STX17: variants seen among roughly 807,000 people sequenced by gnomAD.
The protein encoded by STX17 is syntaxin 17.
In STX17, 29 loss-of-function variants were observed where a neutral mutation model predicts 35.9. The ratio of observed to expected loss-of-function variants is 0.81; its 90% CI spans 0.60 to 1.10. The LOEUF (loss-of-function observed/expected upper bound fraction) is 1.10, where lower values mean the gene tolerates loss of function less well. STX17 is among the 50% of genes least tolerant of loss of function. The pLI is 0.00. For missense variants in STX17, 312 were observed against 352.3 expected (o/e 0.89, Z 0.92); for synonymous variants, 92 against 118.3 (o/e 0.78, Z 1.44).
At chr9:99,917,155 G>A (rs1828793354) in intron 2 of STX17, among the ~76,000 whole-genome samples, 1 of 152,094 alleles carries the variant, frequency 6.6e-6, no homozygotes, top group Admixed American at 6.6e-5. Context: ...TAATTATAAT[G>A]TAGGTGATAT....
chr9:99,940,777 G>C (rs1023174177), intron 3 of STX17, among the ~76,000 whole-genome samples: 1 of 152,088 alleles, frequency 6.6e-6, no homozygotes, highest in Non-Finnish European at 1.5e-5. Flanking sequence ...CACCGCACCC[G>C]GCCTAGAATT....
chr9:99,952,890 AG>A (rs1000659598), intron 4 of STX17, among the ~76,000 whole-genome samples: 6 of 75,132 alleles, frequency 8.0e-5, no homozygotes, highest in Non-Finnish European at 1.6e-4. Flanking sequence ...GGGTAGGGGG[AG>A]GGGGGAGGGA....
At chr9:99,968,324 G>A in intron 7 of STX17, 110 bp from the exon 8 acceptor site, 2 of 1,354,214 alleles carry the variant, frequency 1.5e-6, no homozygotes, top group Non-Finnish European at 2.0e-6. Flanking sequence ...GGTTAATTAT[G>A]TACCAAGAGT....
intron 4 of STX17, among the ~76,000 whole-genome samples, chr9:99,956,331 C>T (rs1168744054): frequency 6.6e-6 from 1 of 152,120 alleles, no homozygotes; most frequent in Admixed American, 6.5e-5. Flanking sequence ...CATACCCTCG[C>T]AAACTTCATT....
chr9:99,938,029 A>G (rs1829273003), intron 3 of STX17: 2 of 152,378 alleles, frequency 1.3e-5, no homozygotes, highest in South Asian at 4.1e-4. Context: ...GTGAATTAAG[A>G]GTTTTCCCAT....
intron 3 of STX17, among the ~76,000 whole-genome samples, chr9:99,947,660 T>C (rs1829511647): frequency 6.6e-6 from 1 of 152,228 alleles, no homozygotes; most frequent in Admixed American, 6.5e-5. Flanking sequence ...TACTCGAGAC[T>C]GGAGGCCAGT....
chr9:99,936,672 A>G (rs1228946793), intron 3 of STX17, among the ~76,000 whole-genome samples: 2 of 151,888 alleles, frequency 1.3e-5, no homozygotes, highest in African/African-American at 4.8e-5. Flanking sequence ...GTATTATTCT[A>G]TTTCACATAT....
chr9:99,923,658 C>G (rs1017950573), intron 2 of STX17, among the ~76,000 whole-genome samples: 1 of 152,144 alleles, frequency 6.6e-6, no homozygotes, highest in Admixed American at 6.5e-5. Flanking sequence ...TCAGAAACCA[C>G]AGTTTGAGAG....
rs147290457 is a variant in STX17, at chr9:99,932,703, TA to T, written c.189+3861del. ...TGACCTCCATCTGGCATAAAAGATT[TA>T]TGGGTGCCATTAGAGTAGTAAGATT... On this transcript the variant is annotated intron_variant, in intron 3 of 7. Coordinates refer to ENST00000259400, the MANE Select transcript of STX17 (RefSeq NM_017919.3). Among the ~76,000 whole-genome samples the T allele has an allele frequency of 1.7e-3, 254 of 152,316 alleles. 7 individuals are homozygous for T. The East Asian group carries it at 0.045, about 27-fold the overall frequency.
intron 2 of STX17, among the ~76,000 whole-genome samples, chr9:99,919,053 C>G (rs750454511): frequency 3.3e-5 from 5 of 152,124 alleles, no homozygotes; most frequent in African/African-American, 7.2e-5. Context: ...CTGCCCTTAG[C>G]TGTGCTTGGT....
intron 6 of STX17, among the ~76,000 whole-genome samples, chr9:99,965,870 T>C (rs1237860849): frequency 6.6e-6 from 1 of 152,160 alleles, no homozygotes; most frequent in Non-Finnish European, 1.5e-5. Context: ...TGCAAACACA[T>C]TTTATCCCCA....
intron 3 of STX17, among the ~76,000 whole-genome samples, chr9:99,947,925 T>C (rs796641441): frequency 2.0e-5 from 3 of 152,240 alleles, no homozygotes; most frequent in African/African-American, 7.2e-5. Flanking sequence ...ACTATCTTGT[T>C]TGCTTTATGG....
intron 3 of STX17, among the ~76,000 whole-genome samples, chr9:99,931,778 T>C (rs1009626295): frequency 6.6e-6 from 1 of 152,230 alleles, no homozygotes; most frequent in African/African-American, 2.4e-5. Context: ...CAGGTTTCTC[T>C]TTACCTTTTT....
intron 3 of STX17, among the ~76,000 whole-genome samples, chr9:99,935,664 T>G (rs1230971801): frequency 1.3e-5 from 2 of 152,134 alleles, no homozygotes; most frequent in African/African-American, 4.8e-5. Context: ...TGTTAGATGA[T>G]TATAAGTGCC....
At chr9:99,911,640 G>T (rs1828667052) in intron 1 of STX17, among the ~76,000 whole-genome samples, 1 of 152,032 alleles carries the variant, frequency 6.6e-6, no homozygotes, top group African/African-American at 2.4e-5. Flanking sequence ...CTGTAGTGTA[G>T]TAGTAAGAAC....
intron 2 of STX17, among the ~76,000 whole-genome samples, chr9:99,920,515 G>A (rs1034094237): frequency 6.6e-6 from 1 of 152,150 alleles, no homozygotes; most frequent in Non-Finnish European, 1.5e-5. Flanking sequence ...AGATTGCTTT[G>A]TATGTGAGAT....
chr9:99,939,169 G>A (rs920689636), intron 3 of STX17, among the ~76,000 whole-genome samples: 7 of 152,182 alleles, frequency 4.6e-5, no homozygotes, highest in African/African-American at 1.7e-4. Context: ...AAAAGAGAGG[G>A]AATGAGGAGG....
intron 3 of STX17, among the ~76,000 whole-genome samples, chr9:99,943,034 C>G (rs1829397832): frequency 6.6e-6 from 1 of 152,170 alleles, no homozygotes; most frequent in South Asian, 2.1e-4. Flanking sequence ...ATTTTAGAAT[C>G]AGCTTATTAA....
At chr9:99,967,044 G>A (rs1434780114) in intron 6 of STX17, among the ~76,000 whole-genome samples, 1 of 152,186 alleles carries the variant, frequency 6.6e-6, no homozygotes, top group Non-Finnish European at 1.5e-5. Flanking sequence ...AAACTGTCAT[G>A]ATTTTAAAAT....
Sources: gnomAD v4.1 joint callset for allele counts (sites outside exome capture counted in the v4.1 genomes callset) on GRCh38, gnomAD v4.1.1 for gene constraint, MANE v1.5 for transcripts, NCBI Gene and HGNC (gene_info 2026-07-23, HGNC 2026-07-21) for gene names.